The following SGCZ variants were observed in gnomAD, a reference collection of about 807,000 sequenced individuals.
SGCZ encodes the protein sarcoglycan zeta.
A neutral mutation model predicts 41.3 loss-of-function variants in SGCZ; 40 were observed. The ratio of observed to expected loss-of-function variants is 0.97; its 90% CI spans 0.75 to 1.26. The LOEUF (loss-of-function observed/expected upper bound fraction) is 1.26, where lower values mean the gene tolerates loss of function less well. Among genes scored for constraint, SGCZ ranks in the 50% most tolerant of loss-of-function variants. The pLI is 0.00. For missense variants in SGCZ, 552 were observed against 369.8 expected, an observed-to-expected ratio of 1.49 and a Z score of -4.04; for synonymous variants, 206 against 137.5, an observed-to-expected ratio of 1.50 and a Z score of -3.49.
intron 2 of SGCZ, among the ~76,000 whole-genome samples, chr8:14,547,915 G>A (rs1003859538): frequency 1.3e-5 from 2 of 152,092 alleles, no homozygotes; most frequent in South Asian, 4.1e-4. Flanking sequence ...CATATTTATT[G>A]AGATCTTTTT....
chr8:15,060,648 T>C (rs1032225772), intron 1 of SGCZ, among the ~76,000 whole-genome samples: 6 of 143,914 alleles, frequency 4.2e-5, no homozygotes, highest in African/African-American at 1.6e-4. Context: ...ACTGTGCACA[T>C]GTACCCGAAA....
chr8:14,292,942 G>GTA (rs910490644), intron 3 of SGCZ, among the ~76,000 whole-genome samples: 13 of 151,912 alleles, frequency 8.6e-5, no homozygotes, highest in Non-Finnish European at 1.9e-4. Flanking sequence ...AGTCAATGAT[G>GTA]TATAACATCT....
intron 1 of SGCZ, among the ~76,000 whole-genome samples, chr8:14,625,065 CA>C (rs1214818051): frequency 6.6e-6 from 1 of 152,074 alleles, no homozygotes. Flanking sequence ...TCTTAATAAA[CA>C]TACATGTTTC....
chr8:14,468,124 G>T (rs912695520), intron 2 of SGCZ, among the ~76,000 whole-genome samples: 13 of 151,844 alleles, frequency 8.6e-5, no homozygotes, highest in Non-Finnish European at 1.5e-4. Context: ...TATGAGTTTG[G>T]GTTTAATGAT....
intron 2 of SGCZ, among the ~76,000 whole-genome samples, chr8:14,358,643 G>C (rs1053120052): frequency 6.6e-6 from 1 of 152,010 alleles, no homozygotes; most frequent in Non-Finnish European, 1.5e-5. Context: ...ATGGAGTCTT[G>C]CTCTGCTGCC....
In SGCZ at chr8:14,368,630, T is replaced by C. The variant is rs1168955767; in HGVS notation, c.235-44426A>G. 2.6e-5 allele frequency among the ~76,000 whole-genome samples: 4 copies of C among 152,078 alleles called. No homozygotes were observed. The East Asian group carries it at 7.7e-4, about 29-fold the overall frequency. On this transcript the variant is annotated intron_variant, in intron 2 of 7. Transcript: ENST00000382080. ...TTTGCATTATAAGGCAGAGAGTTTT[T>C]TGAAAGAGCACTCCAGTAAACCAGT...
At chr8:14,278,756 G>A (rs1312296378) in intron 3 of SGCZ, among the ~76,000 whole-genome samples, 3 of 152,000 alleles carry the variant, frequency 2.0e-5, no homozygotes, top group African/African-American at 7.2e-5. Context: ...AATGGTAGCA[G>A]CACTTCATTA....
intron 1 of SGCZ, among the ~76,000 whole-genome samples, chr8:14,863,724 G>A (rs1264280915): frequency 2.0e-5 from 3 of 152,120 alleles, no homozygotes; most frequent in Non-Finnish European, 2.9e-5. Context: ...GCTGATAAAA[G>A]CAGAGGGAGC....
chr8:14,933,600 T>TTTTC (rs912731193), intron 1 of SGCZ, among the ~76,000 whole-genome samples: 2 of 151,510 alleles, frequency 1.3e-5, no homozygotes, highest in Non-Finnish European at 1.5e-5. Flanking sequence ...CTCGGCTAAT[T>TTTTC]TTTCTTTCTT....
At chr8:14,850,150 A>G (rs1803263567) in intron 1 of SGCZ, among the ~76,000 whole-genome samples, 1 of 152,194 alleles carries the variant, frequency 6.6e-6, no homozygotes, top group Admixed American at 6.6e-5. Flanking sequence ...TGTTTGCTTT[A>G]CTTCAAAGTA....
At chr8:14,182,048 C>T (rs553085005) in intron 4 of SGCZ, among the ~76,000 whole-genome samples, 2 of 152,152 alleles carry the variant, frequency 1.3e-5, no homozygotes, top group African/African-American at 4.8e-5. Flanking sequence ...GTTAGTTTCT[C>T]CTTTGCATGC....
intron 1 of SGCZ, among the ~76,000 whole-genome samples, chr8:15,110,978 A>T (rs2131099293): frequency 6.6e-6 from 1 of 152,258 alleles, no homozygotes; most frequent in Non-Finnish European, 1.5e-5. Flanking sequence ...TCAAAAAGAA[A>T]AAAGAAAAAG....
intron 5 of SGCZ, among the ~76,000 whole-genome samples, chr8:14,112,280 T>G (rs1000684198): frequency 6.3e-5 from 7 of 110,298 alleles, no homozygotes; most frequent in Non-Finnish European, 7.3e-5. Context: ...GTTTTTTTTT[T>G]TGTGGGGGGG....
At chr8:14,538,883 A>G (rs1803374722) in intron 2 of SGCZ, among the ~76,000 whole-genome samples, 1 of 151,938 alleles carries the variant, frequency 6.6e-6, no homozygotes, top group Non-Finnish European at 1.5e-5. Flanking sequence ...TGCAATAGGA[A>G]GGGTGGATTT....
At chr8:14,399,209 G>C (rs1463277540) in intron 2 of SGCZ, among the ~76,000 whole-genome samples, 1 of 152,090 alleles carries the variant, frequency 6.6e-6, no homozygotes, top group Non-Finnish European at 1.5e-5. Context: ...TTAAGTGTCA[G>C]GGTTCCTTGG....
chr8:15,225,314 A>G (rs1303178728), intron 1 of SGCZ, among the ~76,000 whole-genome samples: 1 of 152,216 alleles, frequency 6.6e-6, no homozygotes, highest in Non-Finnish European at 1.5e-5. Flanking sequence ...AACACAAAAA[A>G]AAAGATATAT....
intron 4 of SGCZ, among the ~76,000 whole-genome samples, chr8:14,198,651 T>C (rs1309152694): frequency 2.6e-5 from 4 of 152,036 alleles, no homozygotes; most frequent in Admixed American, 1.3e-4. Flanking sequence ...GTGAACCTAG[T>C]TGTTATAAAA....
intron 2 of SGCZ, among the ~76,000 whole-genome samples, chr8:14,457,202 T>C (rs549413645): frequency 6.4e-4 from 97 of 152,356 alleles, no homozygotes; most frequent in African/African-American, 2.0e-3. Flanking sequence ...TCTATAATCA[T>C]AGCCTAGGAA....
At chr8:14,902,402 A>G (rs1408171850) in intron 1 of SGCZ, among the ~76,000 whole-genome samples, 1 of 152,090 alleles carries the variant, frequency 6.6e-6, no homozygotes, top group Non-Finnish European at 1.5e-5. Context: ...GCATTATCCA[A>G]TGCCTCTGTC....
Sources: allele counts gnomAD v4.1 joint callset (sites outside exome capture counted in the v4.1 genomes callset), GRCh38; gene constraint gnomAD v4.1.1; transcripts MANE v1.5; gene names NCBI Gene and HGNC (gene_info 2026-07-23, HGNC 2026-07-21).